The following HIPK2 variants were observed in gnomAD, a reference collection of about 807,000 sequenced individuals.
HIPK2 encodes homeodomain-interacting protein kinase 2.
A neutral mutation model predicts 113.7 loss-of-function variants in HIPK2; 27 were observed. The ratio of observed to expected loss-of-function variants is 0.24; its 90% CI spans 0.17 to 0.33. HIPK2 has a LOEUF of 0.33. Among genes scored for constraint, HIPK2 ranks in the 10% least tolerant of loss-of-function variants. The probability of loss-of-function intolerance (pLI) is 1.00; values close to 1 mark genes in which losing one functional copy is unlikely to be tolerated. For synonymous variants in HIPK2, 631 were observed against 642.2 expected, an observed-to-expected ratio of 0.98 and a Z score of 0.26; for missense variants, 1,257 against 1,588.0, an observed-to-expected ratio of 0.79 and a Z score of 3.54.
chr7:139,603,196 G>A (rs1219941702), intron 10 of HIPK2, among the ~76,000 whole-genome samples: 1 of 152,152 alleles, frequency 6.6e-6, no homozygotes, highest in Non-Finnish European at 1.5e-5. Context: ...AGAACTGTGG[G>A]AGGTTCCCTG....
chr7:139,562,071 A>G lies in HIPK2; in HGVS notation c.*10856T>C, dbSNP rs1290845814. Reference sequence around the variant, plus strand: ...ATAATATGAGACTAAGGAATAGGTTACATATAGGTCTACAACACATTGGTT... The same window carrying G: ...ATAATATGAGACTAAGGAATAGGTTGCATATAGGTCTACAACACATTGGTT... On this transcript the variant is annotated 3_prime_UTR_variant, in exon 15 of 15. Coordinates refer to ENST00000406875, the MANE Select transcript of HIPK2 (RefSeq NM_022740.5). The G allele has an allele frequency of 6.6e-6, 1 of 152,250 alleles. No homozygotes were observed. Among genetic ancestry groups the G allele is most frequent in the Non-Finnish European group, 1.5e-5 (1 of 68,046 alleles). The allele number at this position is 152,250 out of a possible 1,614,324, so 9.4% of individuals were successfully genotyped here.
chr7:139,595,033 C>T (rs769905514), intron 12 of HIPK2, among the ~76,000 whole-genome samples: 1 of 152,152 alleles, frequency 6.6e-6, no homozygotes, highest in African/African-American at 2.4e-5. Context: ...GGTGGAGAGA[C>T]GGCTCTCTCA....
Position 139,614,468 on chromosome 7 carries a change from A to T in HIPK2, c.1808T>A (p.Ile603Asn). Residue 603 changes from isoleucine to asparagine, a missense_variant, in exon 8 of 15, where the codon ATT becomes AAT. Coordinates refer to ENST00000406875, the MANE Select transcript of HIPK2 (RefSeq NM_022740.5). ...NQAPSSTSAT[I>N]SLANPEVSIL... ...GGAGACTTCGGGATTGGCTAAGGAA[A>T]TAGTGGCACTGGTAGAGGAGGGAGC... The T allele has an allele frequency of 6.9e-7, 1 of 1,457,540 alleles. No individual in the cohort carries two copies. The highest frequency in any genetic ancestry group is 9.2e-7 in the Non-Finnish European group (1 of 1,091,660). 90.3% of individuals were successfully genotyped at this position (1,457,540 alleles called of 1,614,324 possible).
At chr7:139,609,186 G>C (rs1799729381) in intron 9 of HIPK2, among the ~76,000 whole-genome samples, 1 of 152,220 alleles carries the variant, frequency 6.6e-6, no homozygotes, top group African/African-American at 2.4e-5. Context: ...CAAGATGCTA[G>C]CTGTGGCATG....
rs1041324155 is a variant in HIPK2 at position 139,566,180 on chromosome 7, G to A, written c.*6747C>T. 1.3e-5 allele frequency: 2 copies of A among 152,114 alleles called. No individual in the cohort carries two copies. Among genetic ancestry groups the A allele is most frequent in the South Asian group, 2.1e-4 (1 of 4,816 alleles). 9.4% of individuals were successfully genotyped at this position (152,114 alleles called of 1,614,324 possible). On this transcript the variant is annotated 3_prime_UTR_variant, in exon 15 of 15. Coordinates refer to ENST00000406875, the MANE Select transcript of HIPK2 (RefSeq NM_022740.5). The surrounding 1 kb of genome is among the most constrained non-coding windows in gnomAD (Gnocchi z 4.1). Reference sequence around the variant, plus strand: ...GCACAGTCCTTTAGCTGAGTCCCACGGTGCATGGGATGGCACAGGGTGATG... The same window carrying A: ...GCACAGTCCTTTAGCTGAGTCCCACAGTGCATGGGATGGCACAGGGTGATG...
At position 139,572,063 on chromosome 7, in the gene HIPK2, T is replaced by C. The variant is rs1798300697; in HGVS notation, c.*864A>G. The stretch of plus-strand genomic sequence containing the variant: ...CTACTAGGGTGTCTGTGACGACCGC[T>C]AGCCCTACGCTACGCGACTAGGGGT... On this transcript the variant is annotated 3_prime_UTR_variant, in exon 15 of 15. Coordinates refer to ENST00000406875, the MANE Select transcript of HIPK2 (RefSeq NM_022740.5). 1 of 152,258 alleles carries C rather than the reference T, an allele frequency of 6.6e-6. No homozygotes were observed. The highest frequency in any genetic ancestry group is 2.4e-5 in the African/African-American group (1 of 41,464). 9.4% of individuals were successfully genotyped at this position (152,258 alleles called of 1,614,324 possible). A position where few individuals can be genotyped will look rare whatever the true frequency, so the allele number is the denominator to read the frequency against.
intron 1 of HIPK2, among the ~76,000 whole-genome samples, chr7:139,747,655 G>T (rs1382410201): frequency 6.6e-6 from 1 of 152,188 alleles, no homozygotes; most frequent in African/African-American, 2.4e-5. Context: ...CCCTGTGGCT[G>T]AGGACAAGAC....
In HIPK2 at chr7:139,569,707, A is replaced by G. The variant is rs1569437606; in HGVS notation, c.*3220T>C. 6.6e-6 allele frequency: 1 copy of G among 150,710 alleles called. No individual in the cohort carries two copies. The highest frequency in any genetic ancestry group is 1.5e-5 in the Non-Finnish European group (1 of 67,888). 9.3% of individuals were successfully genotyped at this position (150,710 alleles called of 1,614,324 possible). ...GACGTCTCTTGTTGGGATAGAGATG[A>G]CAGAAACAATTTTCCTACTTCCTAA... On this transcript the variant is annotated 3_prime_UTR_variant, in exon 15 of 15. Transcript: ENST00000406875.
intron 2 of HIPK2, among the ~76,000 whole-genome samples, chr7:139,688,865 GA>G (rs1272917812): frequency 6.6e-6 from 1 of 151,948 alleles, no homozygotes; most frequent in Admixed American, 6.6e-5. Context: ...AGAACATGAT[GA>G]AAAAAAAGTC....
Position 139,620,515 on chromosome 7 carries a change from A to G in HIPK2, c.1668T>C (p.Asn556=), listed in dbSNP as rs1204667611. Residue 556 remains asparagine (N), a synonymous_variant, in exon 7 of 15, where the codon AAT becomes AAC. Coordinates refer to ENST00000406875, the MANE Select transcript of HIPK2 (RefSeq NM_022740.5). ...QNMEICKRRV[N]MYDTVNQSKT... ...TGCTCTGGTTCACCGTGTCATACAT[A>G]TTCACCCGACGCTTGCAGATCTCCA... 2 of 1,614,022 alleles carry G rather than the reference A, an allele frequency of 1.2e-6. No homozygotes were observed. Among genetic ancestry groups the G allele is most frequent in the African/African-American group, 2.7e-5 (2 of 74,990 alleles).
chr7:139,614,573 A>C (rs1455175560), intron 7 of HIPK2, 80 bp from the exon 8 acceptor site: 1 of 917,090 alleles, frequency 1.1e-6, no homozygotes, highest in Non-Finnish European at 1.5e-6. Flanking sequence ...ACACGAATCT[A>C]AATCAAATAA....
chr7:139,633,269 G>A (rs944545383), intron 2 of HIPK2, among the ~76,000 whole-genome samples: 6 of 151,978 alleles, frequency 3.9e-5, no homozygotes, highest in African/African-American at 1.5e-4. Flanking sequence ...GAAGGGAGCT[G>A]GGGAGACCTT....
chr7:139,626,796 G>GT lies in HIPK2; in HGVS notation c.1435-12dup. ...TGTCGTCATGTTCACCTGGACGCAA[G>GT]TAAGGACAGGTTACCAAGGAAGACC... On this transcript the variant is annotated splice_polypyrimidine_tract_variant and intron_variant, in intron 5 of 14. Transcript: ENST00000406875. 2 of 1,613,792 alleles carry GT rather than the reference G, an allele frequency of 1.2e-6. No individual in the cohort carries two copies. The highest frequency in any genetic ancestry group is 1.7e-6 in the Non-Finnish European group (2 of 1,179,686).
chr7:139,763,453 T>G (rs1796500617), intron 1 of HIPK2, among the ~76,000 whole-genome samples: 1 of 145,556 alleles, frequency 6.9e-6, no homozygotes, highest in Non-Finnish European at 1.5e-5. Context: ...CTTTTAGGAG[T>G]AAGATTTTGC....
intron 2 of HIPK2, among the ~76,000 whole-genome samples, chr7:139,709,343 A>G (rs1432087906): frequency 6.6e-6 from 1 of 152,238 alleles, no homozygotes; most frequent in Non-Finnish European, 1.5e-5. Context: ...CCCTCTTTTC[A>G]ATCAAACCTA....
At chr7:139,670,525 G>A (rs1802228202) in intron 2 of HIPK2, among the ~76,000 whole-genome samples, 1 of 150,906 alleles carries the variant, frequency 6.6e-6, no homozygotes, top group Non-Finnish European at 1.5e-5. Context: ...AGGTTGCAGT[G>A]AGCCATGATT....
rs1038481864 is a variant in HIPK2 at position 139,620,272 on chromosome 7, A to G, written c.1782+129T>C. On this transcript the variant is annotated intron_variant, in intron 7 of 14. Transcript: ENST00000406875. ...CCTCAAAGGAAATAACCTTGGATGCAAATACTTTGTTTAGTTGTTGAACAT... is the reference window on the plus strand; with the variant it reads ...CCTCAAAGGAAATAACCTTGGATGCGAATACTTTGTTTAGTTGTTGAACAT... The G allele has an allele frequency of 2.3e-6, 3 of 1,330,462 alleles. No homozygotes were observed. The Admixed American group carries it at 7.6e-5, about 34-fold the overall frequency. 82.4% of individuals were successfully genotyped at this position (1,330,462 alleles called of 1,614,324 possible). A position where few individuals can be genotyped will look rare whatever the true frequency, so the allele number is the denominator to read the frequency against.
rs1796326530 is a variant in HIPK2 at position 139,754,117 on chromosome 7, T to C, written c.19+23488A>G. On this transcript the variant is annotated intron_variant, in intron 1 of 14. Coordinates refer to ENST00000406875, the MANE Select transcript of HIPK2 (RefSeq NM_022740.5). ...CCAATTTAGGGGACAGTCCTGCTTCTTTCCAAGAGACACCCTTTGGAAGTG... is the reference window on the plus strand; with the variant it reads ...CCAATTTAGGGGACAGTCCTGCTTCCTTCCAAGAGACACCCTTTGGAAGTG... Among the ~76,000 whole-genome samples the C allele has an allele frequency of 1.3e-5, 2 of 152,168 alleles. 1 individual carries two copies. The highest frequency in any genetic ancestry group is 4.1e-4 in the South Asian group (2 of 4,822).
At chr7:139,629,405 T>C (rs996413935) in intron 4 of HIPK2, among the ~76,000 whole-genome samples, 7 of 152,264 alleles carry the variant, frequency 4.6e-5, no homozygotes, top group African/African-American at 1.4e-4. Context: ...CATTTTCCAA[T>C]TTTATTTAAT....
Sources: gnomAD v4.1 joint callset for allele counts (sites outside exome capture counted in the v4.1 genomes callset) on GRCh38, gnomAD v4.1.1 for gene constraint, Gnocchi (gnomAD v3.1) non-coding constraint, MANE v1.5 for transcripts, NCBI Gene and HGNC (gene_info 2026-07-23, HGNC 2026-07-21) for gene names.